The following FMNL2 variants were observed in gnomAD, a reference collection of about 807,000 sequenced individuals.
FMNL2 encodes the protein formin like 2, also known as formin-like protein 2.
Under a neutral mutation model 130.2 loss-of-function variants are expected in FMNL2, and 51 were observed. The ratio of observed to expected loss-of-function variants is 0.39; its 90% CI spans 0.31 to 0.49. The LOEUF (loss-of-function observed/expected upper bound fraction) is 0.49. Among genes scored for constraint, FMNL2 ranks in the 20% least tolerant of loss-of-function variants. FMNL2 has a pLI of 0.85. For synonymous variants in FMNL2, 465 were observed against 467.1 expected, an observed-to-expected ratio of 1.00 and a Z score of 0.06; for missense variants, 977 against 1,316.2, an observed-to-expected ratio of 0.74 and a Z score of 3.99.
At chr2:152,515,681 G>A (rs1195161418) in intron 1 of FMNL2, among the ~76,000 whole-genome samples, 1 of 152,106 alleles carries the variant, frequency 6.6e-6, no homozygotes, top group East Asian at 1.9e-4. Flanking sequence ...CTCATGCATG[G>A]AGGAATTACT....
At chr2:152,355,894 A>C (rs753225793) in intron 1 of FMNL2, among the ~76,000 whole-genome samples, 1 of 152,208 alleles carries the variant, frequency 6.6e-6, no homozygotes, top group Non-Finnish European at 1.5e-5. Context: ...ATACATACCC[A>C]AATAAATAAA....
chr2:152,456,403 T>C (rs1014530186), intron 1 of FMNL2, among the ~76,000 whole-genome samples: 1 of 152,182 alleles, frequency 6.6e-6, no homozygotes, highest in African/African-American at 2.4e-5. Context: ...GGTTTCGCCA[T>C]GTTGCCTAGG....
intron 1 of FMNL2, among the ~76,000 whole-genome samples, chr2:152,374,210 A>G (rs146744053): frequency 1.3e-5 from 2 of 152,216 alleles, no homozygotes; most frequent in Non-Finnish European, 2.9e-5. Context: ...GCAAAGGGGA[A>G]TCCTTCACCC....
intron 1 of FMNL2, among the ~76,000 whole-genome samples, chr2:152,464,830 A>G (rs189138158): frequency 1.3e-5 from 2 of 152,280 alleles, no homozygotes. Flanking sequence ...GATGCCTTTG[A>G]CATTTGTGCT....
intron 1 of FMNL2, among the ~76,000 whole-genome samples, chr2:152,495,127 A>T (rs146906222): frequency 6.6e-6 from 1 of 152,328 alleles, no homozygotes; most frequent in African/African-American, 2.4e-5. Flanking sequence ...TCTATATATT[A>T]CAAAGCCTGA....
chr2:152,407,198 G>GTTTTTTTT (rs57572263), intron 1 of FMNL2, among the ~76,000 whole-genome samples: 3 of 148,910 alleles, frequency 2.0e-5, no homozygotes, highest in South Asian at 2.1e-4. Flanking sequence ...TTCTGTTTTT[G>GTTTTTTTT]TTTTTTTTTT....
intron 1 of FMNL2, among the ~76,000 whole-genome samples, chr2:152,448,844 T>A (rs910586044): frequency 6.6e-6 from 1 of 152,254 alleles, no homozygotes; most frequent in East Asian, 1.9e-4. Flanking sequence ...GATAGCTGAT[T>A]ACATGCGTGT....
intron 9 of FMNL2, among the ~76,000 whole-genome samples, chr2:152,601,671 C>CTTTTTT (rs34914295): frequency 9.7e-5 from 10 of 103,462 alleles, no homozygotes; most frequent in South Asian, 3.1e-4. Flanking sequence ...TCTTTTCTTT[C>CTTTTTT]TTTTTTTTTT....
chr2:152,437,134 G>T (rs1023547469), intron 1 of FMNL2, among the ~76,000 whole-genome samples: 1 of 152,060 alleles, frequency 6.6e-6, no homozygotes, highest in Non-Finnish European at 1.5e-5. Flanking sequence ...ATTCATAAGG[G>T]CTTTACCCAT....
At chr2:152,544,893 G>A (rs951939669) in intron 3 of FMNL2, among the ~76,000 whole-genome samples, 1 of 152,112 alleles carries the variant, frequency 6.6e-6, no homozygotes, top group African/African-American at 2.4e-5. Context: ...AGAACAAAGT[G>A]AAACAAAACA....
intron 1 of FMNL2, among the ~76,000 whole-genome samples, chr2:152,495,653 CAAA>C (rs55989531): frequency 4.1e-5 from 2 of 48,546 alleles, no homozygotes. Flanking sequence ...TCCGTCTCAC[CAAA>C]AAAAAAAAAA....
intron 10 of FMNL2, among the ~76,000 whole-genome samples, chr2:152,609,005 C>T (rs1263666870): frequency 6.6e-6 from 1 of 152,178 alleles, no homozygotes; most frequent in Admixed American, 6.5e-5. Flanking sequence ...GATGTCCTCT[C>T]TAGTTTGTCA....
chr2:152,598,826 A>G (rs1287600227), intron 9 of FMNL2, among the ~76,000 whole-genome samples: 1 of 152,250 alleles, frequency 6.6e-6, no homozygotes, highest in Non-Finnish European at 1.5e-5. Context: ...CTGAAGATAT[A>G]AGAGGAAACA....
chr2:152,579,085 T>C, intron 8 of FMNL2, 121 bp downstream of exon 8: 1 of 797,298 alleles, frequency 1.3e-6, no homozygotes, highest in Non-Finnish European at 2.0e-6. Flanking sequence ...TAAGATTGGC[T>C]ATAAACTCTT....
At position 152,585,920 on chromosome 2, in the gene FMNL2, CAAAAAAA is replaced by C. The variant is rs34744900; in HGVS notation, c.876+4883_876+4889del. On this transcript the variant is annotated intron_variant, in intron 9 of 25. Coordinates refer to ENST00000288670, the MANE Select transcript of FMNL2 (RefSeq NM_052905.4). ...TTAAAAAGTGTCTCCAAAGGTTTGG[CAAAAAAA>C]AAAAAAAAAAATGCTTCCTTCTGAA... Among the ~76,000 whole-genome samples, 2 of 130,002 alleles carry C rather than the reference CAAAAAAA, an allele frequency of 1.5e-5. 1 individual carries two copies. Among genetic ancestry groups the C allele is most frequent in the Admixed American group, 1.6e-4 (2 of 12,496 alleles). The allele number at this position is 130,002 out of a possible 152,430, so 85.3% of individuals were successfully genotyped here.
chr2:152,521,661 G>A (rs953550451), intron 1 of FMNL2, among the ~76,000 whole-genome samples: 44 of 152,142 alleles, frequency 2.9e-4, no homozygotes, highest in Non-Finnish European at 5.9e-5. Flanking sequence ...AAGGGAGTCT[G>A]CCAAAGCGAC....
At chr2:152,424,444 G>C (rs11694392) in intron 1 of FMNL2, among the ~76,000 whole-genome samples, 26,881 of 148,680 alleles carry the variant, frequency 0.18, 2,588 homozygotes, top group Middle Eastern at 0.34. Flanking sequence ...AGGCTGCAGT[G>C]CAGTGGCATG....
chr2:152,438,185 G>T (rs979635238), intron 1 of FMNL2, among the ~76,000 whole-genome samples: 7 of 152,194 alleles, frequency 4.6e-5, no homozygotes, highest in African/African-American at 1.7e-4. Flanking sequence ...AAGCATTAGA[G>T]AATATAAGAA....
At chr2:152,559,206 G>T (rs1435255521) in intron 5 of FMNL2, among the ~76,000 whole-genome samples, 2 of 152,172 alleles carry the variant, frequency 1.3e-5, no homozygotes, top group Non-Finnish European at 2.9e-5. Flanking sequence ...ATGTATATTT[G>T]CATATGCTAG....
Sources: allele counts gnomAD v4.1 joint callset (sites outside exome capture counted in the v4.1 genomes callset), GRCh38; gene constraint gnomAD v4.1.1; transcripts MANE v1.5; gene names NCBI Gene and HGNC (gene_info 2026-07-23, HGNC 2026-07-21).